The following PDE8B variants were observed in gnomAD, a reference collection of about 807,000 sequenced individuals.
PDE8B encodes high affinity cAMP-specific and IBMX-insensitive 3',5'-cyclic phosphodiesterase 8B.
Under a neutral mutation model 101.3 loss-of-function variants are expected in PDE8B, and 26 were observed. The observed-to-expected ratio is 0.26, with a 90% confidence interval of 0.19 to 0.36. The LOEUF is 0.36. PDE8B is among the 10% of genes least tolerant of loss of function. PDE8B has a pLI of 1.00. For missense variants in PDE8B, 810 were observed against 1,163.1 expected (o/e 0.70, Z 4.42); for synonymous variants, 424 against 429.3 (o/e 0.99, Z 0.15).
At chr5:77,158,987 C>T in the PDE8B span, among the ~76,000 whole-genome samples, 3 of 152,282 alleles carry the variant, frequency 2.0e-5, no homozygotes, top group East Asian at 3.9e-4. Flanking sequence ...TGAGAGAATG[C>T]CTCCTTGCCC....
chr5:77,298,802 T>C (rs1769195510), intron 1 of PDE8B, among the ~76,000 whole-genome samples: 1 of 152,226 alleles, frequency 6.6e-6, no homozygotes, highest in Non-Finnish European at 1.5e-5. Context: ...TCCTTTAGAT[T>C]GGTGCTTCTC....
chr5:77,409,171 G>A (rs1226418035), intron 14 of PDE8B, 114 bp downstream of exon 14: 5 of 843,756 alleles, frequency 5.9e-6, no homozygotes, highest in Admixed American at 5.9e-5. Context: ...ATAGACTAAC[G>A]TTAGCATAAC....
chr5:77,126,016 G>A, the PDE8B span, among the ~76,000 whole-genome samples: 3 of 152,194 alleles, frequency 2.0e-5, no homozygotes, highest in Non-Finnish European at 1.5e-5. Context: ...GCCGGGCTCA[G>A]TGGCTCACGC....
rs558605350 is a variant in PDE8B at position 77,409,324 on chromosome 5, CA to C, written c.1530+269del. 1.1e-4 allele frequency among the ~76,000 whole-genome samples: 17 copies of C among 152,238 alleles called. No individual in the cohort carries two copies. In the South Asian group the frequency reaches 3.5e-3, roughly 32 times the overall value. On this transcript the variant is annotated intron_variant, in intron 14 of 21. Coordinates refer to ENST00000264917, the MANE Select transcript of PDE8B (RefSeq NM_003719.5). ...CCTATGACTGCAGGGAGTCATTGGG[CA>C]ACTGATGGAGGGCTCAATGTGCAAG...
the PDE8B span, among the ~76,000 whole-genome samples, chr5:77,116,264 CTCTT>C: frequency 1.6e-5 from 2 of 124,784 alleles, no homozygotes; most frequent in African/African-American, 6.2e-5. Flanking sequence ...CAGAGTCTCA[CTCTT>C]TCACCCAGGC....
chr5:77,312,076 T>G, intron 2 of PDE8B, 23 bp downstream of exon 2: 1 of 1,554,522 alleles, frequency 6.4e-7, no homozygotes, highest in Non-Finnish European at 8.9e-7. Context: ...TACTCAGCCC[T>G]GTGACTCAGA....
intron 10 of PDE8B, among the ~76,000 whole-genome samples, chr5:77,366,748 C>T (rs1784220077): frequency 6.6e-6 from 1 of 152,164 alleles, no homozygotes; most frequent in African/African-American, 2.4e-5. Flanking sequence ...ATTGTCTGAA[C>T]AGTGGCCCCA....
At chr5:77,393,393 CAAAA>C (rs55783030) in intron 10 of PDE8B, among the ~76,000 whole-genome samples, 2 of 138,812 alleles carry the variant, frequency 1.4e-5, no homozygotes, top group Non-Finnish European at 3.2e-5. Flanking sequence ...AGACTGTCTC[CAAAA>C]AAAAAAAAAG....
intron 1 of PDE8B, among the ~76,000 whole-genome samples, chr5:77,293,952 G>A (rs892504631): frequency 2.6e-5 from 4 of 152,170 alleles, no homozygotes; most frequent in Admixed American, 2.0e-4. Flanking sequence ...TATAAGTCCG[G>A]TATCACATTT....
chr5:77,423,451 G>A (rs544070046), intron 20 of PDE8B, among the ~76,000 whole-genome samples: 2 of 152,024 alleles, frequency 1.3e-5, no homozygotes, highest in East Asian at 1.9e-4. Flanking sequence ...GCTTTCCACA[G>A]GGGCTAGCTG....
the PDE8B span, chr5:77,180,485 A>T: frequency 3.0e-6 from 3 of 985,178 alleles, no homozygotes; most frequent in African/African-American, 5.2e-5. Flanking sequence ...AGCGCGTGCC[A>T]GGTGAGCCCC....
Position 77,325,604 on chromosome 5 carries a change from T to C in PDE8B, c.465T>C (p.Ala155=), listed in dbSNP as rs766099448. Reference sequence around the variant, plus strand: ...GCTTCTGGTGGGCCTGCGACAGAGCTGGTTATAGATGCAATATTGCTCGGA... The same window carrying C: ...GCTTCTGGTGGGCCTGCGACAGAGCCGGTTATAGATGCAATATTGCTCGGA... The part of the protein sequence containing the change: ...SDGFWWACDR[A]GYRCNIARTP... Residue 155 remains alanine (A), a synonymous_variant, in exon 3 of 22, where the codon GCT becomes GCC. Transcript: ENST00000264917. 5.0e-6 allele frequency: 8 copies of C among 1,613,840 alleles called. No individual in the cohort carries two copies. The African/African-American group carries it at 9.3e-5, about 19-fold the overall frequency.
chr5:77,420,334 C>G (rs189771665), intron 19 of PDE8B, among the ~76,000 whole-genome samples: 8 of 148,916 alleles, frequency 5.4e-5, no homozygotes, highest in Admixed American at 2.0e-4. Flanking sequence ...CTGGGAGTGA[C>G]TGGAAAGCAG....
At chr5:77,164,409 A>G in the PDE8B span, among the ~76,000 whole-genome samples, 1 of 152,228 alleles carries the variant, frequency 6.6e-6, no homozygotes, top group Non-Finnish European at 1.5e-5. Context: ...TCTTTTAAGG[A>G]TGATACCTTT....
At chr5:77,146,598 G>A in the PDE8B span, 1 of 254,782 alleles carries the variant, frequency 3.9e-6, no homozygotes, top group Non-Finnish European at 7.9e-6. Context: ...GAACCTGAGA[G>A]GCAAGGTGTT....
At chr5:77,271,038 C>CTAAG (rs1762678082) in intron 1 of PDE8B, among the ~76,000 whole-genome samples, 1 of 152,182 alleles carries the variant, frequency 6.6e-6, no homozygotes, top group Non-Finnish European at 1.5e-5. Context: ...GGGACACTGG[C>CTAAG]TAAGCTCCCA....
chr5:77,210,706 AG>A lies in PDE8B; in HGVS notation c.-218del. 1.0e-6 allele frequency: 1 copy of A among 980,284 alleles called. No individual in the cohort carries two copies. The highest frequency in any genetic ancestry group is 4.7e-5 in the South Asian group (1 of 21,230). 60.7% of individuals were successfully genotyped at this position (980,284 alleles called of 1,614,324 possible). A position where few individuals can be genotyped will look rare whatever the true frequency, so the allele number is the denominator to read the frequency against. On this transcript the variant is annotated 5_prime_UTR_variant, in exon 1 of 22. The change creates a premature stop within an existing upstream ORF in the 5' untranslated region. Transcript: ENST00000264917. The surrounding 1 kb of genome is among the most constrained non-coding windows in gnomAD (Gnocchi z 4.9). ...TGTATGCGCGCTCCCCCGCTCGGGG[AG>A]GAAGATGGCCCAAAAGGGAAAGTTG...
intron 12 of PDE8B, among the ~76,000 whole-genome samples, chr5:77,405,883 GC>G (rs1793331895): frequency 6.6e-6 from 1 of 152,192 alleles, no homozygotes. Flanking sequence ...GATGGTTAGT[GC>G]CTGTGATAGA....
chr5:77,263,709 G>A (rs1357881707), intron 1 of PDE8B, among the ~76,000 whole-genome samples: 1 of 152,182 alleles, frequency 6.6e-6, no homozygotes, highest in African/African-American at 2.4e-5. Context: ...TTGGTGCTAT[G>A]TGGAGTAACT....
Sources: gnomAD v4.1 joint callset for allele counts (sites outside exome capture counted in the v4.1 genomes callset) on GRCh38, gnomAD v4.1.1 for gene constraint, Gnocchi (gnomAD v3.1) non-coding constraint, MANE v1.5 for transcripts, NCBI Gene and HGNC (gene_info 2026-07-23, HGNC 2026-07-21) for gene names.